The following UNC13B variants were observed in gnomAD, a reference collection of about 807,000 sequenced individuals.
UNC13B encodes the protein protein unc-13 homolog B.
In UNC13B, 144 loss-of-function variants were observed where a neutral mutation model predicts 211.0. The observed-to-expected ratio is 0.68, with a 90% CI of 0.60 to 0.78. UNC13B has a LOEUF of 0.78. Ranked by LOEUF, UNC13B falls within the 30% of genes least tolerant of loss-of-function variation. The pLI is 0.00. For synonymous variants in UNC13B, 709 were observed against 725.8 expected (o/e 0.98, Z 0.37); for missense variants, 1,777 against 2,002.0 (o/e 0.89, Z 2.14).
At chr9:35,288,060 A>G (rs949152189) in intron 7 of UNC13B, among the ~76,000 whole-genome samples, 1 of 151,766 alleles carries the variant, frequency 6.6e-6, no homozygotes, top group Non-Finnish European at 1.5e-5. Context: ...AATGCTATTG[A>G]TTTTCCCTCC....
chr9:35,332,361 A>C (rs542263515), intron 11 of UNC13B, among the ~76,000 whole-genome samples: 4 of 152,186 alleles, frequency 2.6e-5, no homozygotes, highest in African/African-American at 9.6e-5. Context: ...TAATTTCCCA[A>C]TGTTTAAAAC....
At chr9:35,315,073 G>A (rs201781738) in intron 11 of UNC13B, among the ~76,000 whole-genome samples, 11 of 94,696 alleles carry the variant, frequency 1.2e-4, no homozygotes, top group Non-Finnish European at 2.2e-4. Context: ...TTTTTTTTTT[G>A]TAGATGCAGG....
chr9:35,207,296 G>A (rs1039371770), intron 1 of UNC13B, among the ~76,000 whole-genome samples: 1 of 151,588 alleles, frequency 6.6e-6, no homozygotes, highest in Non-Finnish European at 1.5e-5. Context: ...GTCTTATTCT[G>A]TAACTCAGGC....
intron 7 of UNC13B, among the ~76,000 whole-genome samples, chr9:35,267,867 G>A (rs1827660545): frequency 6.6e-6 from 1 of 152,132 alleles, no homozygotes; most frequent in South Asian, 2.1e-4. Context: ...GTTACTTAGA[G>A]GCTTCTTGAA....
At position 35,398,561 on chromosome 9, in the gene UNC13B, T is replaced by G; in HGVS notation, c.11840T>G (p.Leu3947Arg). ...TACCTCCTGTGAATACAGCTGGACC[T>G]TGAAGCTGCAGACAGTCTGAAGGAG... Reference protein sequence around the residue: ...FEAMGGKELDLEAADSLKELQ... With the variant: ...FEAMGGKELDREAADSLKELQ... The change falls in exon 32 of 40, where the codon CTT becomes CGT. Residue 3947 changes from leucine to arginine, a missense_variant. Transcript: ENST00000635942. 1 of 1,613,946 alleles carries G rather than the reference T, an allele frequency of 6.2e-7. No homozygotes were observed. The highest frequency in any genetic ancestry group is 8.5e-7 in the Non-Finnish European group (1 of 1,179,996).
At position 35,304,730 on chromosome 9, in the gene UNC13B, G is replaced by C; in HGVS notation, c.5326G>C (p.Ala1776Pro). ...LKFDKSESLE[A>P]LAMQKVNQQS... is the part of the protein sequence containing the mutation. ...GTTTGATAAGAGTGAATCCTTAGAG[G>C]CTTTGGCCATGCAGAAAGTGAATCA... Residue 1776 changes from alanine (A) to proline (P), a missense_variant, in exon 9 of 40, where the codon GCT becomes CCT. Ala to Pro is a conservative substitution (Grantham distance 27, BLOSUM62 -1). Transcript: ENST00000635942. 1 of 398,854 alleles carries C rather than the reference G, an allele frequency of 2.5e-6. No individual in the cohort carries two copies. Among genetic ancestry groups the C allele is most frequent in the Middle Eastern group, 6.3e-4 (1 of 1,588 alleles). 24.7% of individuals were successfully genotyped at this position (398,854 alleles called of 1,614,324 possible). A position where few individuals can be genotyped will look rare whatever the true frequency, so the allele number is the denominator to read the frequency against.
chr9:35,363,801 C>A (rs1433403295), intron 11 of UNC13B, among the ~76,000 whole-genome samples: 2 of 152,060 alleles, frequency 1.3e-5, no homozygotes, highest in Non-Finnish European at 2.9e-5. Context: ...CTTGATCGGG[C>A]CCTTCTGGAA....
intron 11 of UNC13B, among the ~76,000 whole-genome samples, chr9:35,322,203 T>G (rs1830770892): frequency 6.6e-6 from 1 of 152,212 alleles, no homozygotes; most frequent in African/African-American, 2.4e-5. Context: ...AAGTGTTTGA[T>G]GACATTGCTA....
chr9:35,213,560 A>C (rs1309296397), intron 1 of UNC13B, among the ~76,000 whole-genome samples: 1 of 152,244 alleles, frequency 6.6e-6, no homozygotes, highest in East Asian at 1.9e-4. Flanking sequence ...GGCATAGGTT[A>C]TAATGGCTTC....
At chr9:35,176,421 G>A (rs1286077113) in intron 1 of UNC13B, among the ~76,000 whole-genome samples, 1 of 152,010 alleles carries the variant, frequency 6.6e-6, no homozygotes, top group Non-Finnish European at 1.5e-5. Context: ...GGTGGCAGGC[G>A]CCTGTAATCC....
chr9:35,278,574 T>C (rs112790403), intron 7 of UNC13B, among the ~76,000 whole-genome samples: 2,446 of 150,896 alleles, frequency 0.016, 49 homozygotes, highest in African/African-American at 0.057. Context: ...CCAGGTCATA[T>C]ACTTCTTTTG....
Position 35,246,007 on chromosome 9 carries a change from C to T in UNC13B, c.468+2643C>T, listed in dbSNP as rs1377553378. On this transcript the variant is annotated intron_variant, in intron 6 of 39. Coordinates refer to ENST00000635942, the MANE Select transcript of UNC13B (RefSeq NM_001371189.2). ...TCCTATTTCTCCACATCCTCTCCAG[C>T]ACCTGTTGTTTCCTGACTTTTTAAT... 2.0e-5 allele frequency among the ~76,000 whole-genome samples: 3 copies of T among 152,190 alleles called. No individual in the cohort carries two copies. The East Asian group carries it at 5.8e-4, about 29-fold the overall frequency.
intron 1 of UNC13B, among the ~76,000 whole-genome samples, chr9:35,195,589 G>T (rs1587345923): frequency 6.6e-6 from 1 of 152,088 alleles, no homozygotes; most frequent in East Asian, 1.9e-4. Context: ...GTTAAATCTT[G>T]TCCCTGATTT....
At position 35,293,710 on chromosome 9, in the gene UNC13B, T is replaced by C. The variant is rs375183361; in HGVS notation, c.527-1986T>C. ...ACAGTGCTTCCAAAGTCTCTTTTTC[T>C]TAATATATCATCAGAATGCTTTGTA... On this transcript the variant is annotated intron_variant, in intron 7 of 39. Transcript: ENST00000635942. Among the ~76,000 whole-genome samples the C allele has an allele frequency of 7.3e-4, 111 of 152,336 alleles. 1 individual carries two copies. In the South Asian group the frequency reaches 0.018, roughly 25 times the overall value.
intron 6 of UNC13B, among the ~76,000 whole-genome samples, chr9:35,247,351 G>T (rs922832882): frequency 2.0e-5 from 3 of 151,838 alleles, no homozygotes; most frequent in African/African-American, 7.3e-5. Flanking sequence ...TTATTTCTTT[G>T]TCCTGCCTGA....
chr9:35,245,062 GTA>G lies in UNC13B; in HGVS notation c.468+1699_468+1700del, dbSNP rs879910533. Among the ~76,000 whole-genome samples, 806 of 152,200 alleles carry G rather than the reference GTA, an allele frequency of 5.3e-3. 7 individuals carry two copies. The highest frequency in any genetic ancestry group is 7.3e-3 in the Non-Finnish European group (494 of 67,992). On this transcript the variant is annotated intron_variant, in intron 6 of 39. Coordinates refer to ENST00000635942, the MANE Select transcript of UNC13B (RefSeq NM_001371189.2). The stretch of plus-strand genomic sequence containing the variant: ...CTGAGCATTTGTGCTATCTTTGCAT[GTA>G]CTTTACTTTGTGTTTTCGTTCTTCC...
chr9:35,229,409 G>T (rs1825068033), intron 2 of UNC13B, among the ~76,000 whole-genome samples: 1 of 152,040 alleles, frequency 6.6e-6, no homozygotes, highest in African/African-American at 2.4e-5. Flanking sequence ...TCTCCCAGCT[G>T]GTTTTCTATG....
chr9:35,401,171 A>AACC (rs1361369420), intron 37 of UNC13B, among the ~76,000 whole-genome samples: 3 of 152,172 alleles, frequency 2.0e-5, no homozygotes, highest in African/African-American at 7.2e-5. Context: ...TGTTCCAAGG[A>AACC]AACCTGAGCA....
At chr9:35,231,054 G>A in intron 2 of UNC13B, 66 bp from the exon 3 acceptor site, 2 of 1,069,556 alleles carry the variant, frequency 1.9e-6, no homozygotes, top group Non-Finnish European at 2.8e-6. Flanking sequence ...TAATTCCAAG[G>A]GCTTTGTGAG....
Sources: gnomAD v4.1 joint callset for allele counts (sites outside exome capture counted in the v4.1 genomes callset) on GRCh38, gnomAD v4.1.1 for gene constraint, MANE v1.5 for transcripts, NCBI Gene and HGNC (gene_info 2026-07-23, HGNC 2026-07-21) for gene names.